Variants in MYOF observed in about 807,000 individuals in gnomAD.
The protein encoded by MYOF is myoferlin.
A neutral mutation model predicts 284.2 loss-of-function variants in MYOF; 244 were observed. That is an observed-to-expected ratio of 0.86 (90% CI 0.77 to 0.95). The LOEUF is 0.95. MYOF is among the 40% of genes least tolerant of loss of function. MYOF has a pLI of 0.00. For missense variants in MYOF, 2,496 were observed against 2,560.6 expected, an observed-to-expected ratio of 0.97 and a Z score of 0.54; for synonymous variants, 904 against 919.7, an observed-to-expected ratio of 0.98 and a Z score of 0.31.
At chr10:93,333,977 A>T (rs967956950) in intron 41 of MYOF, 64 bp from the exon 42 acceptor site, 9 of 1,528,876 alleles carry the variant, frequency 5.9e-6, no homozygotes, top group African/African-American at 1.4e-5. Context: ...GCTCCTGGGA[A>T]GTCCCCTCCT....
At chr10:93,312,557 G>A (rs765041436) in intron 51 of MYOF, among the ~76,000 whole-genome samples, 15 of 151,600 alleles carry the variant, frequency 9.9e-5, no homozygotes, top group Non-Finnish European at 1.8e-4. Context: ...ACGGTGTTTT[G>A]CCACGTTGGC....
intron 49 of MYOF, among the ~76,000 whole-genome samples, 159 bp from the exon 50 acceptor site, chr10:93,316,972 G>C (rs541341572): frequency 3.3e-5 from 5 of 151,526 alleles, no homozygotes; most frequent in Admixed American, 2.6e-4. Context: ...AGAGCAGTCA[G>C]GCTCCCCAGG....
rs116954393 is a variant in MYOF, at chr10:93,338,654, A to T, written c.4339-741T>A. On this transcript the variant is annotated intron_variant, in intron 39 of 53. Transcript: ENST00000359263. ...TGGTTCAGTTAGACCAGGGCTCCCAACCTATCCTAGGAGATGCAATCAGTC... is the reference window on the plus strand; with the variant it reads ...TGGTTCAGTTAGACCAGGGCTCCCATCCTATCCTAGGAGATGCAATCAGTC... 1.3e-3 allele frequency among the ~76,000 whole-genome samples: 196 copies of T among 152,306 alleles called. 3 individuals carry two copies. In the East Asian group the frequency reaches 0.036, roughly 28 times the overall value.
chr10:93,326,557 T>A (rs1302463332), intron 45 of MYOF, among the ~76,000 whole-genome samples: 1 of 152,184 alleles, frequency 6.6e-6, no homozygotes, highest in Non-Finnish European at 1.5e-5. Context: ...AGAAATAAAC[T>A]TTTTTTGTGT....
At chr10:93,328,662 T>C (rs1188770845) in intron 45 of MYOF, 101 bp downstream of exon 45, 14 of 1,236,306 alleles carry the variant, frequency 1.1e-5, no homozygotes, top group Non-Finnish European at 1.6e-5. Context: ...TCATGTGGTA[T>C]AATTAGGGTA....
chr10:93,409,049 G>A, intron 6 of MYOF, 134 bp from the exon 7 acceptor site: 1 of 1,366,970 alleles, frequency 7.3e-7, no homozygotes, highest in Admixed American at 2.2e-5. Context: ...TGCTATACCA[G>A]GTGCTACCAA....
intron 41 of MYOF, 98 bp downstream of exon 41, chr10:93,335,823 A>C: frequency 7.1e-7 from 1 of 1,412,594 alleles, no homozygotes; most frequent in Non-Finnish European, 9.5e-7. Context: ...CAGAGGCTGC[A>C]GGATGTGCCC....
intron 3 of MYOF, among the ~76,000 whole-genome samples, chr10:93,443,870 G>A (rs552542948): frequency 6.6e-6 from 1 of 152,284 alleles, no homozygotes; most frequent in African/African-American, 2.4e-5. Flanking sequence ...GGCCTGGAGA[G>A]GGTAAGTAAC....
In MYOF at chr10:93,399,503, G is replaced by A. The variant is rs1847175312; in HGVS notation, c.1118-8C>T. 6.3e-7 allele frequency: 1 copy of A among 1,590,214 alleles called. No individual in the cohort carries two copies. Among genetic ancestry groups the A allele is most frequent in the Admixed American group, 1.7e-5 (1 of 58,052 alleles). ...GTGAGAAGGCATCATCCACTGGAAG[G>A]TAATAGTTATACAGCAGAAATTAAA... is the stretch of plus-strand genomic sequence containing the variant. On this transcript the variant is annotated splice_region_variant and splice_polypyrimidine_tract_variant and intron_variant, in intron 12 of 53. Coordinates refer to ENST00000359263, the MANE Select transcript of MYOF (RefSeq NM_013451.4).
Position 93,399,434 on chromosome 10 carries a change from A to G in MYOF, c.1179T>C (p.Asn393=). ...AAACTTCTACAAAAGGATCCACGAG[A>G]TTTTTCTTATCTGCATTGCCTCCAA... ...EIFGGNADKK[N]LVDPFVEVSF... Residue 393 remains asparagine (N), a synonymous_variant, in exon 13 of 54, where the codon AAT becomes AAC. Transcript: ENST00000359263. 6.2e-7 allele frequency: 1 copy of G among 1,613,788 alleles called. No homozygotes were observed.
rs1174008779 is a variant in MYOF at position 93,474,223 on chromosome 10, C to A, written c.88+7884G>T. On this transcript the variant is annotated intron_variant, in intron 1 of 53. Transcript: ENST00000359263. ...AGAAGCATTTGACTCAACTAGTAAG[C>A]CTTCTTACTAGTCTCCCTGACTAGT... Among the ~76,000 whole-genome samples, 5 of 152,144 alleles carry A rather than the reference C, an allele frequency of 3.3e-5. No individual in the cohort carries two copies. In the East Asian group the frequency reaches 9.6e-4, roughly 29 times the overall value.
At chr10:93,465,593 C>T (rs1317498315) in intron 1 of MYOF, among the ~76,000 whole-genome samples, 2 of 128,156 alleles carry the variant, frequency 1.6e-5, no homozygotes, top group Non-Finnish European at 3.1e-5. Context: ...CGGCTCACTG[C>T]AACCTCCACC....
Position 93,306,741 on chromosome 10 carries a change from G to A in MYOF, c.*222C>T. The stretch of plus-strand genomic sequence containing the variant: ...TTTGAAAAACATGATTTAAACTTTA[G>A]AAAATAAAACTTTTAATACTTAAGA... On this transcript the variant is annotated 3_prime_UTR_variant, in exon 54 of 54. Coordinates refer to ENST00000359263, the MANE Select transcript of MYOF (RefSeq NM_013451.4). The A allele has an allele frequency of 2.1e-6, 1 of 485,088 alleles. No individual in the cohort carries two copies. The highest frequency in any genetic ancestry group is 3.6e-6 in the Non-Finnish European group (1 of 277,540). 30.0% of individuals were successfully genotyped at this position (485,088 alleles called of 1,614,324 possible).
At chr10:93,313,671 TG>T (rs1274946851) in intron 50 of MYOF, among the ~76,000 whole-genome samples, 3 of 151,818 alleles carry the variant, frequency 2.0e-5, no homozygotes, top group Non-Finnish European at 4.4e-5. Context: ...GAGGCTGAGG[TG>T]GGCAGATCAC....
intron 53 of MYOF, 107 bp from the exon 54 acceptor site, chr10:93,307,108 C>A: frequency 1.9e-6 from 2 of 1,065,742 alleles, no homozygotes; most frequent in Non-Finnish European, 2.8e-6. Flanking sequence ...CCAGATGATT[C>A]TTTCTTGTTG....
intron 22 of MYOF, 103 bp from the exon 23 acceptor site, chr10:93,375,058 C>T: frequency 3.6e-6 from 4 of 1,096,996 alleles, no homozygotes; most frequent in Non-Finnish European, 5.2e-6. Flanking sequence ...ATCTTGCAAA[C>T]CACATCAACC....
intron 16 of MYOF, among the ~76,000 whole-genome samples, chr10:93,393,765 C>A (rs978691947): frequency 1.3e-5 from 2 of 152,150 alleles, no homozygotes; most frequent in Admixed American, 6.5e-5. Flanking sequence ...ACTATTAGCA[C>A]CCCTGCCCTA....
chr10:93,481,051 A>G (rs190771958), intron 1 of MYOF, among the ~76,000 whole-genome samples: 3 of 152,158 alleles, frequency 2.0e-5, no homozygotes, highest in East Asian at 1.9e-4. Context: ...CTTACCAATG[A>G]CAAACAAAAT....
chr10:93,364,183 C>T (rs1174659963), intron 26 of MYOF, 108 bp from the exon 27 acceptor site: 10 of 822,694 alleles, frequency 1.2e-5, no homozygotes, highest in Non-Finnish European at 2.0e-5. Context: ...GCACCACTTC[C>T]CTCCTCGCTT....
Sources: allele counts gnomAD v4.1 joint callset (sites outside exome capture counted in the v4.1 genomes callset), GRCh38; gene constraint gnomAD v4.1.1; transcripts MANE v1.5; gene names NCBI Gene and HGNC (gene_info 2026-07-23, HGNC 2026-07-21).